SMYD3: variants seen among roughly 807,000 people sequenced by gnomAD.
SMYD3 encodes histone-lysine N-methyltransferase SMYD3.
Under a neutral mutation model 57.7 loss-of-function variants are expected in SMYD3, and 36 were observed. The observed-to-expected ratio is 0.62, with a 90% CI of 0.48 to 0.82. SMYD3 has a LOEUF of 0.82. SMYD3 is among the 40% of genes least tolerant of loss of function. The pLI is 0.00. For missense variants in SMYD3, 515 were observed against 538.8 expected, an observed-to-expected ratio of 0.96 and a Z score of 0.44; for synonymous variants, 211 against 195.0, an observed-to-expected ratio of 1.08 and a Z score of -0.68.
chr1:246,121,139 C>T (rs946404774), intron 5 of SMYD3, among the ~76,000 whole-genome samples: 1 of 152,090 alleles, frequency 6.6e-6, no homozygotes, highest in African/African-American at 2.4e-5. Flanking sequence ...CTAATATGTA[C>T]TAAACTTTAA....
intron 1 of SMYD3, among the ~76,000 whole-genome samples, chr1:246,447,596 C>T (rs1266817600): frequency 6.6e-6 from 1 of 152,226 alleles, no homozygotes; most frequent in Non-Finnish European, 1.5e-5. Flanking sequence ...AAATGATTGT[C>T]TTTCCAATAT....
intron 1 of SMYD3, among the ~76,000 whole-genome samples, chr1:246,391,399 AGAGAGAGAAAGAG>A (rs1196385559): frequency 3.8e-5 from 2 of 52,094 alleles, no homozygotes; most frequent in Admixed American, 3.4e-4. Context: ...AGAGAAAGAG[AGAGAGAGAAAGAG>A]AGAGAAAAAG....
Position 246,507,131 on chromosome 1 carries a change from T to A in SMYD3, c.87A>T (p.Leu29=), listed in dbSNP as rs1046136490. 5 of 1,532,646 alleles carry A rather than the reference T, an allele frequency of 3.3e-6. No individual in the cohort carries two copies. The highest frequency in any genetic ancestry group is 2.6e-5 in the East Asian group (1 of 38,452). 94.9% of individuals were successfully genotyped at this position (1,532,646 alleles called of 1,614,324 possible). ...RAVTPLRPGE[L]LFRSDPLAYT... ...ACGCCAAGGGATCCGAGCGGAAGAG[T>A]AGCTCTCCGGGGCGCAGCGGGGTCA... is the stretch of plus-strand genomic sequence containing the variant. The change falls in exon 1 of 12, where the codon CTA becomes CTT. Residue 29 remains leucine, a synonymous_variant. Transcript: ENST00000490107.
chr1:246,028,348 G>A (rs1011910663), intron 5 of SMYD3, among the ~76,000 whole-genome samples: 1 of 152,036 alleles, frequency 6.6e-6, no homozygotes, highest in Non-Finnish European at 1.5e-5. Flanking sequence ...AAAATCTAAA[G>A]ACTCCACCAA....
chr1:245,900,138 T>C (rs546305425), intron 8 of SMYD3, among the ~76,000 whole-genome samples: 31 of 152,266 alleles, frequency 2.0e-4, no homozygotes, highest in African/African-American at 6.7e-4. Flanking sequence ...ATTAAACGAA[T>C]CTTTAGCTCA....
chr1:246,446,369 A>T (rs1455990669), intron 1 of SMYD3, among the ~76,000 whole-genome samples: 1 of 152,226 alleles, frequency 6.6e-6, no homozygotes, highest in Non-Finnish European at 1.5e-5. Context: ...CTATTTATCT[A>T]GTAAGAAAAG....
chr1:245,978,571 C>T lies in SMYD3; in HGVS notation c.532-48634G>A, dbSNP rs574200673. Among the ~76,000 whole-genome samples the T allele has an allele frequency of 4.3e-3, 658 of 152,078 alleles. 2 individuals carry two copies. The highest frequency in any genetic ancestry group is 7.7e-3 in the Non-Finnish European group (521 of 67,974). On this transcript the variant is annotated intron_variant, in intron 5 of 11. Coordinates refer to ENST00000490107, the MANE Select transcript of SMYD3 (RefSeq NM_001167740.2). ...TAGAAAAAAAATAAGTGCGGGAGGGCGGGGGGCAGAGAGAACTATTTCAAA... is the reference window on the plus strand; with the variant it reads ...TAGAAAAAAAATAAGTGCGGGAGGGTGGGGGGCAGAGAGAACTATTTCAAA...
chr1:245,902,331 C>A (rs180944578), intron 8 of SMYD3, among the ~76,000 whole-genome samples: 9 of 152,324 alleles, frequency 5.9e-5, no homozygotes, highest in African/African-American at 1.9e-4. Flanking sequence ...CCACCTACAG[C>A]GATGCCACCC....
intron 1 of SMYD3, among the ~76,000 whole-genome samples, chr1:246,472,853 C>CTTTTTTTTTTT (rs74163449): frequency 9.7e-6 from 1 of 102,910 alleles, no homozygotes; most frequent in African/African-American, 3.6e-5. Context: ...TCTCAAATTT[C>CTTTTTTTTTTT]TTTTTTTTTT....
intron 5 of SMYD3, among the ~76,000 whole-genome samples, chr1:246,078,064 C>T (rs1049587192): frequency 6.6e-6 from 1 of 151,894 alleles, no homozygotes; most frequent in African/African-American, 2.4e-5. Flanking sequence ...TACACACATA[C>T]ACTTTTTAAA....
At chr1:246,049,584 C>T (rs1439763006) in intron 5 of SMYD3, among the ~76,000 whole-genome samples, 3 of 151,880 alleles carry the variant, frequency 2.0e-5, no homozygotes, top group Admixed American at 1.3e-4. Context: ...GGATTACAGG[C>T]GTGAGCCACC....
At chr1:246,465,607 G>T (rs951160655) in intron 1 of SMYD3, among the ~76,000 whole-genome samples, 1 of 152,174 alleles carries the variant, frequency 6.6e-6, no homozygotes, top group Non-Finnish European at 1.5e-5. Flanking sequence ...GCTGAGGCAG[G>T]AATTGCTTGT....
At chr1:246,378,741 A>T (rs2066325706) in intron 1 of SMYD3, among the ~76,000 whole-genome samples, 1 of 101,196 alleles carries the variant, frequency 9.9e-6, no homozygotes, top group Admixed American at 1.6e-4. Context: ...ATTATATATA[A>T]TTATATATAA....
intron 8 of SMYD3, among the ~76,000 whole-genome samples, chr1:245,885,653 C>T (rs1335807632): frequency 2.6e-5 from 4 of 152,150 alleles, no homozygotes; most frequent in Non-Finnish European, 1.5e-5. Context: ...TACTTTTCTA[C>T]AGTGTTTCTC....
chr1:246,040,574 G>T (rs550598978), intron 5 of SMYD3, among the ~76,000 whole-genome samples: 2 of 152,194 alleles, frequency 1.3e-5, no homozygotes, highest in African/African-American at 2.4e-5. Flanking sequence ...GTTTAGCCAC[G>T]TGGGGATAAA....
chr1:245,930,992 G>A (rs186511299), intron 5 of SMYD3, among the ~76,000 whole-genome samples: 108 of 152,284 alleles, frequency 7.1e-4, no homozygotes, highest in African/African-American at 2.4e-3. Context: ...AAGGCCCTAC[G>A]CTAGGAATGC....
intron 8 of SMYD3, among the ~76,000 whole-genome samples, chr1:245,891,127 CAGAT>C (rs757061399): frequency 2.2e-4 from 33 of 152,232 alleles, no homozygotes; most frequent in South Asian, 1.0e-3. Context: ...AAAATATAAT[CAGAT>C]AGAATGAATA....
At chr1:246,265,696 T>C (rs969944612) in intron 5 of SMYD3, among the ~76,000 whole-genome samples, 1 of 147,864 alleles carries the variant, frequency 6.8e-6, no homozygotes, top group Non-Finnish European at 1.5e-5. Flanking sequence ...TGGGATCCAG[T>C]GACCATCACA....
intron 10 of SMYD3, among the ~76,000 whole-genome samples, chr1:245,776,692 GTGGTGC>G (rs992682226): frequency 6.6e-6 from 1 of 152,216 alleles, no homozygotes; most frequent in Non-Finnish European, 1.5e-5. Context: ...GTGCCGTATT[GTGGTGC>G]TGGGAAGCAG....
Sources: allele counts gnomAD v4.1 joint callset (sites outside exome capture counted in the v4.1 genomes callset), GRCh38; gene constraint gnomAD v4.1.1; transcripts MANE v1.5; gene names NCBI Gene and HGNC (gene_info 2026-07-23, HGNC 2026-07-21).